The following ZNF444 variants were observed in gnomAD, a reference collection of about 807,000 sequenced individuals.
The protein encoded by ZNF444 is endothelial zinc finger protein 2.
In ZNF444, 8 loss-of-function variants were observed where a neutral mutation model predicts 14.4. That is an observed-to-expected ratio of 0.56 (90% CI 0.33 to 1.00). The LOEUF (loss-of-function observed/expected upper bound fraction) is 1.00, where lower values mean the gene tolerates loss of function less well. Among genes scored for constraint, ZNF444 ranks in the 50% least tolerant of loss-of-function variants. ZNF444 has a pLI of 0.03. For synonymous variants in ZNF444, 258 were observed against 235.9 expected (o/e 1.09, Z -0.86); for missense variants, 510 against 504.8 (o/e 1.01, Z -0.10).
intron 2 of ZNF444, 111 bp from the exon 3 acceptor site, chr19:56,146,779 T>TC (rs2031211219): frequency 1.1e-6 from 1 of 902,858 alleles, no homozygotes; most frequent in Non-Finnish European, 1.5e-6. Context: ...AGAGCGAAAC[T>TC]CCGTCTCAAA....
chr19:56,146,804 A>G (rs925266062), intron 2 of ZNF444, 86 bp from the exon 3 acceptor site: 2 of 1,061,938 alleles, frequency 1.9e-6, no homozygotes, highest in Non-Finnish European at 2.4e-6. Flanking sequence ...AAAAAGTAAA[A>G]AAAAAGAGCG....
chr19:56,137,864 G>A (rs903548659), upstream of ZNF444, among the ~76,000 whole-genome samples: 4 of 152,166 alleles, frequency 2.6e-5, no homozygotes, highest in Admixed American at 2.0e-4. Context: ...GCTCACGCCT[G>A]TAATCCCAGC....
chr19:56,153,216 G>C (rs1441492110), intron 3 of ZNF444, among the ~76,000 whole-genome samples: 1 of 152,136 alleles, frequency 6.6e-6, no homozygotes, highest in East Asian at 1.9e-4. Flanking sequence ...CATCTCCTCA[G>C]AGTCTAGGGG....
upstream of ZNF444, among the ~76,000 whole-genome samples, chr19:56,138,797 T>TTTG (rs2030670180): frequency 7.2e-6 from 1 of 138,040 alleles, no homozygotes; most frequent in Non-Finnish European, 1.6e-5. Flanking sequence ...ATGTACTTTT[T>TTTG]TTTTTTTTTT....
upstream of ZNF444, among the ~76,000 whole-genome samples, chr19:56,138,917 C>T (rs768203801): frequency 1.3e-5 from 2 of 150,118 alleles, no homozygotes; most frequent in Admixed American, 6.7e-5. Context: ...TGGCCTCACC[C>T]TCCCGAGTAG....
chr19:56,157,641 G>A (rs1161160869), intron 3 of ZNF444: 1 of 152,268 alleles, frequency 6.6e-6, no homozygotes, highest in Non-Finnish European at 1.5e-5. Flanking sequence ...CTCACCTTGT[G>A]ATCTGCCCGC....
intron 3 of ZNF444, chr19:56,149,805 G>A (rs2031462653): frequency 6.6e-6 from 1 of 152,402 alleles, no homozygotes; most frequent in African/African-American, 2.4e-5. Flanking sequence ...CCCTGCAAAG[G>A]ACATGAACTC....
At chr19:56,156,208 A>G (rs912983287) in intron 3 of ZNF444, 9 of 152,234 alleles carry the variant, frequency 5.9e-5, no homozygotes, top group Non-Finnish European at 1.2e-4. Flanking sequence ...GGGATGCACC[A>G]TCCTCCTGGC....
intron 3 of ZNF444, chr19:56,157,928 G>A (rs2032009942): frequency 6.6e-6 from 1 of 152,198 alleles, no homozygotes; most frequent in Non-Finnish European, 1.5e-5. Context: ...GGTCTTCCTG[G>A]TTGGTGCCGT....
intron 1 of ZNF444, among the ~76,000 whole-genome samples, chr19:56,136,244 T>TGGGGAATGTTGGGTGGGTTTG (rs2030609056): frequency 6.6e-6 from 1 of 152,064 alleles, no homozygotes; most frequent in South Asian, 2.1e-4. Flanking sequence ...CTCTCTCGGC[T>TGGGGAATGTTGGGTGGGTTTG]GGGGCATGTT....
upstream of ZNF444, among the ~76,000 whole-genome samples, chr19:56,139,542 T>A (rs527970383): frequency 2.0e-5 from 3 of 152,018 alleles, no homozygotes; most frequent in East Asian, 5.8e-4. Flanking sequence ...AAAAATTAGC[T>A]GGGCATGGTG....
upstream of ZNF444, among the ~76,000 whole-genome samples, chr19:56,138,511 T>C (rs1221721512): frequency 6.6e-6 from 1 of 151,900 alleles, no homozygotes; most frequent in African/African-American, 2.4e-5. Flanking sequence ...TGTGCACCTG[T>C]AGTCTCAGCT....
Position 56,159,707 on chromosome 19 carries a change from C to A in ZNF444, c.490C>A (p.Pro164Thr). Residue 164 changes from proline to threonine, a missense_variant, in exon 5 of 5, where the codon CCG becomes ACG. Coordinates refer to ENST00000337080, the MANE Select transcript of ZNF444 (RefSeq NM_018337.4). Reference sequence around the variant, plus strand: ...CTACAAGCAGGAGCCCAGCAGCCCCCCGCTGGCGCCTGGCCTGCCCGCCTT... The same window carrying A: ...CTACAAGCAGGAGCCCAGCAGCCCCACGCTGGCGCCTGGCCTGCCCGCCTT... ...RPYKQEPSSP[P>T]LAPGLPAFLA... The A allele has an allele frequency of 6.4e-7, 1 of 1,551,244 alleles. No individual in the cohort carries two copies. Among genetic ancestry groups the A allele is most frequent in the Non-Finnish European group, 8.7e-7 (1 of 1,152,838 alleles).
At chr19:56,158,302 C>A in intron 3 of ZNF444, 192 bp from the exon 4 acceptor site, 1 of 509,956 alleles carries the variant, frequency 2.0e-6, no homozygotes, top group Non-Finnish European at 3.4e-6. Context: ...GGCTCCCTGG[C>A]AGGGGGTTGG....
intron 3 of ZNF444, chr19:56,149,884 A>AT (rs2031469203): frequency 6.5e-6 from 1 of 153,992 alleles, no homozygotes; most frequent in African/African-American, 2.4e-5. Flanking sequence ...CTGTGATGAC[A>AT]TTCGGCCCGT....
chr19:56,159,125 G>A (rs1037911843), intron 4 of ZNF444, among the ~76,000 whole-genome samples: 1 of 136,270 alleles, frequency 7.3e-6, no homozygotes, highest in African/African-American at 2.9e-5. Flanking sequence ...TCACCCATCC[G>A]TCCATCTAGT....
chr19:56,145,373 G>A lies in ZNF444; in HGVS notation c.-196-874G>A, dbSNP rs1279399425. Among the ~76,000 whole-genome samples, 7 of 152,196 alleles carry A rather than the reference G, an allele frequency of 4.6e-5. No individual in the cohort carries two copies. Among genetic ancestry groups the A allele is most frequent in the African/African-American group, 1.7e-4 (7 of 41,434 alleles). ...GGCCAAGGCAGGTGGATCACCTGAG[G>A]TCAGGAGTTTGAGACCAGTCTGGCC... is the stretch of plus-strand genomic sequence containing the variant. On this transcript the variant is annotated intron_variant, in intron 1 of 4. Transcript: ENST00000337080. This position sits in a 1 kb window ranked among gnomAD's most constrained non-coding sequence, Gnocchi z 4.3.
At chr19:56,133,542 A>G (rs565879) in intron 1 of ZNF444, among the ~76,000 whole-genome samples, 144,434 of 151,384 alleles carry the variant, frequency 0.95, 69,543 homozygotes, top group Non-Finnish European at 0.99. Flanking sequence ...GCCGGGCGCG[A>G]TGGCTCACGC....
intron 1 of ZNF444, among the ~76,000 whole-genome samples, chr19:56,133,340 T>C (rs954728119): frequency 1.3e-5 from 2 of 151,850 alleles, no homozygotes; most frequent in Non-Finnish European, 2.9e-5. Context: ...CCCAAAGTGC[T>C]GGGATCACAG....
Sources: gnomAD v4.1 joint callset for allele counts (sites outside exome capture counted in the v4.1 genomes callset) on GRCh38, gnomAD v4.1.1 for gene constraint, Gnocchi (gnomAD v3.1) non-coding constraint, MANE v1.5 for transcripts, NCBI Gene and HGNC (gene_info 2026-07-23, HGNC 2026-07-21) for gene names.